Variants in NFATC1 observed in about 807,000 individuals in gnomAD.
NFATC1 encodes nuclear factor of activated T cells 1, also known as nuclear factor of activated T-cells, cytoplasmic 1.
NFATC1 carries 22 observed loss-of-function variants against 76.0 expected under a neutral mutation model. That is an observed-to-expected ratio of 0.29 (90% confidence interval 0.21 to 0.41). The LOEUF (loss-of-function observed/expected upper bound fraction) is 0.41. Ranked by LOEUF, NFATC1 falls within the 10% of genes least tolerant of loss-of-function variation. The pLI, the probability that NFATC1 is intolerant of heterozygous loss-of-function variation, is 1.00. For synonymous variants in NFATC1, 704 were observed against 613.1 expected (o/e 1.15, Z -2.19); for missense variants, 1,357 against 1,337.7 (o/e 1.01, Z -0.23).
chr18:79,460,339 A>G (rs1172477108), intron 6 of NFATC1, among the ~76,000 whole-genome samples: 3 of 152,278 alleles, frequency 2.0e-5, no homozygotes, highest in African/African-American at 7.2e-5. Context: ...TTTTGGGAAC[A>G]GACTTTATTT....
chr18:79,488,378 G>A (rs965072853), intron 9 of NFATC1, among the ~76,000 whole-genome samples: 7 of 151,534 alleles, frequency 4.6e-5, no homozygotes, highest in African/African-American at 1.5e-4. Context: ...AGCCCTCATC[G>A]TCTGTTTTTG....
intron 1 of NFATC1, chr18:79,400,241 A>G: frequency 1.7e-6 from 2 of 1,196,744 alleles, no homozygotes; most frequent in Middle Eastern, 3.4e-4. Context: ...GTTTATGTAA[A>G]CCCGGAAACG....
chr18:79,415,602 A>C (rs1460894026), intron 2 of NFATC1, among the ~76,000 whole-genome samples: 1 of 152,116 alleles, frequency 6.6e-6, no homozygotes, highest in Non-Finnish European at 1.5e-5. Flanking sequence ...ATTTCTACAC[A>C]TGAAACATTG....
intron 9 of NFATC1, among the ~76,000 whole-genome samples, chr18:79,494,826 C>T (rs1280730946): frequency 8.8e-5 from 10 of 113,750 alleles, no homozygotes; most frequent in Admixed American, 1.7e-4. Flanking sequence ...AAGGCGAGAG[C>T]GGGCACACGC....
rs2086670782 is a variant in NFATC1 at position 79,433,570 on chromosome 18, C to G, written c.1227-9C>G. Reference sequence around the variant, plus strand: ...TGCTGAACGCCTCCTCTGCTCTGTTCCCTTCCAGCCCGACCCTGCCCGCCC... The same window carrying G: ...TGCTGAACGCCTCCTCTGCTCTGTTGCCTTCCAGCCCGACCCTGCCCGCCC... On this transcript the variant is annotated splice_polypyrimidine_tract_variant and intron_variant, in intron 2 of 9. Coordinates refer to ENST00000427363, the MANE Select transcript of NFATC1 (RefSeq NM_001278669.2). 5.0e-6 allele frequency: 8 copies of G among 1,612,794 alleles called. No individual in the cohort carries two copies. In the East Asian group the frequency reaches 1.8e-4, roughly 36 times the overall value.
chr18:79,449,924 A>G (rs1438501676), intron 4 of NFATC1, among the ~76,000 whole-genome samples: 2 of 152,216 alleles, frequency 1.3e-5, no homozygotes, highest in Non-Finnish European at 2.9e-5. Context: ...CTTTCTCTCC[A>G]CGTTGACTTT....
chr18:79,495,331 C>T (rs1188043294), intron 9 of NFATC1, among the ~76,000 whole-genome samples: 1 of 152,244 alleles, frequency 6.6e-6, no homozygotes, highest in Non-Finnish European at 1.5e-5. Context: ...TGAAGATATT[C>T]ACTGTGGACA....
At chr18:79,436,335 T>C (rs2086774793) in intron 3 of NFATC1, among the ~76,000 whole-genome samples, 1 of 152,240 alleles carries the variant, frequency 6.6e-6, no homozygotes, top group Admixed American at 6.5e-5. Flanking sequence ...GTTTCCTGCA[T>C]TTGAGAAATG....
At chr18:79,499,269 A>T (rs1197840004) in intron 9 of NFATC1, among the ~76,000 whole-genome samples, 2 of 152,230 alleles carry the variant, frequency 1.3e-5, no homozygotes, top group Middle Eastern at 3.2e-3. Context: ...CTCAGTATTC[A>T]TCTGAAATAG....
At chr18:79,518,185 C>T (rs1319239621) in intron 9 of NFATC1, among the ~76,000 whole-genome samples, 1 of 152,240 alleles carries the variant, frequency 6.6e-6, no homozygotes, top group African/African-American at 2.4e-5. Context: ...GCCTGGCGTG[C>T]AGGTGACCAG....
At chr18:79,527,286 C>T (rs761596729) in intron 9 of NFATC1, 29 of 458,856 alleles carry the variant, frequency 6.3e-5, no homozygotes, top group Non-Finnish European at 1.1e-4. Context: ...CCGTCAGAGA[C>T]GTGCTGGTAC....
Position 79,396,150 on chromosome 18 carries a change from C to T in NFATC1, c.-75C>T, listed in dbSNP as rs2084995068. The T allele has an allele frequency of 1.5e-6, 2 of 1,341,892 alleles. No homozygotes were observed. Among genetic ancestry groups the T allele is most frequent in the South Asian group, 1.6e-5 (1 of 63,842 alleles). 83.1% of individuals were successfully genotyped at this position (1,341,892 alleles called of 1,614,324 possible). ...GGCGAGGGCTGTCTTCCCGGAGACC[C>T]GACCCCGGCAGCGCGGGGCGGCCGC... On this transcript the variant is annotated 5_prime_UTR_variant, in exon 1 of 10. Transcript: ENST00000427363.
At position 79,428,620 on chromosome 18, in the gene NFATC1, A is replaced by G. The variant is rs139451809; in HGVS notation, c.1227-4959A>G. Among the ~76,000 whole-genome samples, 417 of 152,370 alleles carry G rather than the reference A, an allele frequency of 2.7e-3. 1 individual carries two copies. The highest frequency in any genetic ancestry group is 4.1e-3 in the Non-Finnish European group (279 of 68,038). On this transcript the variant is annotated intron_variant, in intron 2 of 9. Coordinates refer to ENST00000427363, the MANE Select transcript of NFATC1 (RefSeq NM_001278669.2). ...CAGTACAATGAGGATGGTCCTTGTGATAAATGGGATGCTGTGATTAGATTG... is the reference window on the plus strand; with the variant it reads ...CAGTACAATGAGGATGGTCCTTGTGGTAAATGGGATGCTGTGATTAGATTG...
intron 2 of NFATC1, among the ~76,000 whole-genome samples, chr18:79,412,450 T>C (rs1388080540): frequency 4.0e-5 from 6 of 149,914 alleles, no homozygotes; most frequent in Admixed American, 6.6e-5. Context: ...TTTTTTTTTT[T>C]CGTCCCTCCC....
chr18:79,520,546 G>A (rs1486936392), intron 9 of NFATC1, among the ~76,000 whole-genome samples: 1 of 136,876 alleles, frequency 7.3e-6, no homozygotes, highest in African/African-American at 2.8e-5. Flanking sequence ...GGGGGAGGGT[G>A]CATCCACCAC....
rs151287740 is a variant in NFATC1, at chr18:79,404,293, C to G, written c.128-6110C>G. Among the ~76,000 whole-genome samples, 727 of 152,280 alleles carry G rather than the reference C, an allele frequency of 4.8e-3. 4 individuals are homozygous for G. The highest frequency in any genetic ancestry group is 0.017 in the African/African-American group (696 of 41,548). ...TAAATACCGTTTGTTTGCGCTGTGA[C>G]GAGGCCATCCTATTTGCCTTTGTAA... On this transcript the variant is annotated intron_variant, in intron 1 of 9. Coordinates refer to ENST00000427363, the MANE Select transcript of NFATC1 (RefSeq NM_001278669.2).
At chr18:79,487,436 T>C (rs904364196) in intron 9 of NFATC1, among the ~76,000 whole-genome samples, 1 of 152,232 alleles carries the variant, frequency 6.6e-6, no homozygotes, top group Non-Finnish European at 1.5e-5. Flanking sequence ...GTGGCGGCCT[T>C]GCCAGGAGCT....
chr18:79,498,469 TCAA>T (rs1046951584), intron 9 of NFATC1: 1 of 150,774 alleles, frequency 6.6e-6, no homozygotes, highest in Non-Finnish European at 1.5e-5. Flanking sequence ...AACGTAAAAA[TCAA>T]CAGATTATTT....
At chr18:79,491,453 G>A (rs959323082) in intron 9 of NFATC1, among the ~76,000 whole-genome samples, 1 of 152,216 alleles carries the variant, frequency 6.6e-6, no homozygotes, top group African/African-American at 2.4e-5. Flanking sequence ...CGAAAAGCTG[G>A]GGTTGGAGGA....
Sources: allele counts gnomAD v4.1 joint callset (sites outside exome capture counted in the v4.1 genomes callset), GRCh38; gene constraint gnomAD v4.1.1; transcripts MANE v1.5; gene names NCBI Gene and HGNC (gene_info 2026-07-23, HGNC 2026-07-21).